SLC20A1: variants seen among roughly 807,000 people sequenced by gnomAD.
SLC20A1 encodes sodium-dependent phosphate transporter 1.
In SLC20A1, 28 loss-of-function variants were observed where a neutral mutation model predicts 62.7. That is an observed-to-expected ratio of 0.45 (90% confidence interval 0.33 to 0.61). SLC20A1 has a LOEUF of 0.61. Ranked by LOEUF, SLC20A1 falls within the 20% of genes least tolerant of loss-of-function variation. The pLI, the probability that SLC20A1 is intolerant of heterozygous loss-of-function variation, is 0.02. For missense variants in SLC20A1, 673 were observed against 838.6 expected (o/e 0.80, Z 2.44); for synonymous variants, 305 against 302.9 (o/e 1.01, Z -0.07).
intron 9 of SLC20A1, 88 bp downstream of exon 9, chr2:112,660,660 G>A (rs1686723793): frequency 1.8e-6 from 2 of 1,126,186 alleles, no homozygotes; most frequent in African/African-American, 3.2e-5. Flanking sequence ...AATCTCTAAA[G>A]TAACCAAGTT....
At chr2:112,651,881 A>C (rs765916461) in intron 4 of SLC20A1, 1 of 152,206 alleles carries the variant, frequency 6.6e-6, no homozygotes, top group Non-Finnish European at 1.5e-5. Context: ...CAGCGCCCAA[A>C]TAATCAGGTG....
At chr2:112,652,631 G>A in intron 4 of SLC20A1, 71 bp from the exon 5 acceptor site, 2 of 1,264,260 alleles carry the variant, frequency 1.6e-6, no homozygotes, top group Non-Finnish European at 1.2e-6. Context: ...AACCTACCCT[G>A]TTAAAAGATT....
At position 112,663,021 on chromosome 2, in the gene SLC20A1, T is replaced by A. The variant is rs1362004058; in HGVS notation, c.2036T>A (p.Met679Lys). Residue 679 changes from methionine to lysine, a missense_variant, in exon 11 of 11, where the codon ATG becomes AAG. Met to Lys is a moderately conservative substitution (Grantham distance 95). Transcript: ENST00000272542. ...ATCTTCAGATATGTCATCCTCAGAA[T>A]GTGAAGCTGTTTGAGATTAAAATTT... is the stretch of plus-strand genomic sequence containing the variant. ...MAIFRYVILR[M>K] The A allele has an allele frequency of 1.2e-6, 2 of 1,614,100 alleles. No homozygotes were observed. The highest frequency in any genetic ancestry group is 1.7e-6 in the Non-Finnish European group (2 of 1,179,934).
rs539726637 is a variant in SLC20A1, at chr2:112,663,469, C to G, written c.*444C>G. Reference sequence around the variant, plus strand: ...CAGGGATTTAACAACAAAAATATAACTACAACTTCCCTTGTAGTCTCTTAT... The same window carrying G: ...CAGGGATTTAACAACAAAAATATAAGTACAACTTCCCTTGTAGTCTCTTAT... On this transcript the variant is annotated 3_prime_UTR_variant, in exon 11 of 11. Transcript: ENST00000272542. 2 of 315,500 alleles carry G rather than the reference C, an allele frequency of 6.3e-6. No individual in the cohort carries two copies. Among genetic ancestry groups the G allele is most frequent in the South Asian group, 2.7e-5 (1 of 37,050 alleles). 19.5% of individuals were successfully genotyped at this position (315,500 alleles called of 1,614,324 possible). A position where few individuals can be genotyped will look rare whatever the true frequency, so the allele number is the denominator to read the frequency against.
intron 4 of SLC20A1, among the ~76,000 whole-genome samples, chr2:112,649,977 T>A (rs962438318): frequency 6.6e-6 from 1 of 152,228 alleles, no homozygotes; most frequent in African/African-American, 2.4e-5. Context: ...TGATGAGACC[T>A]TTCTTGTTTT....
chr2:112,663,228 G>T lies in SLC20A1; in HGVS notation c.*203G>T, dbSNP rs1686798814. 4.5e-6 allele frequency: 3 copies of T among 669,400 alleles called. No homozygotes were observed. Among genetic ancestry groups the T allele is most frequent in the East Asian group, 3.3e-5 (1 of 30,504 alleles). 41.5% of individuals were successfully genotyped at this position (669,400 alleles called of 1,614,324 possible). A position where few individuals can be genotyped will look rare whatever the true frequency, so the allele number is the denominator to read the frequency against. Reference sequence around the variant, plus strand: ...AAATTAGCTGTGTAAAATAGCCCGGGTTCCACTGGCTCCTGCTGAGGTCCC... The same window carrying T: ...AAATTAGCTGTGTAAAATAGCCCGGTTTCCACTGGCTCCTGCTGAGGTCCC... On this transcript the variant is annotated 3_prime_UTR_variant, in exon 11 of 11. Transcript: ENST00000272542.
chr2:112,648,545 C>T (rs1018303869), intron 4 of SLC20A1, among the ~76,000 whole-genome samples: 1 of 152,164 alleles, frequency 6.6e-6, no homozygotes, highest in African/African-American at 2.4e-5. Context: ...AGGGAGATAG[C>T]ATAAATCCCA....
intron 5 of SLC20A1, among the ~76,000 whole-genome samples, chr2:112,655,679 T>G (rs1453846108): frequency 2.0e-5 from 3 of 152,114 alleles, no homozygotes; most frequent in Non-Finnish European, 4.4e-5. Context: ...TTAAATAGGA[T>G]TGTATAGTGC....
intron 9 of SLC20A1, chr2:112,660,842 T>C (rs994322633): frequency 8.5e-5 from 34 of 399,018 alleles, no homozygotes; most frequent in Non-Finnish European, 1.4e-4. Context: ...TATACTTGCC[T>C]TTTATTTGTC....
At chr2:112,653,035 C>T in intron 5 of SLC20A1, 1 of 924,054 alleles carries the variant, frequency 1.1e-6, no homozygotes, top group Non-Finnish European at 1.7e-6. Flanking sequence ...TTAGTCTTCA[C>T]AGGATCCACT....
At position 112,647,355 on chromosome 2, in the gene SLC20A1, T is replaced by G; in HGVS notation, c.366T>G (p.Phe122Leu). 1 of 1,613,882 alleles carries G rather than the reference T, an allele frequency of 6.2e-7. No homozygotes were observed. Among genetic ancestry groups the G allele is most frequent in the Non-Finnish European group, 8.5e-7 (1 of 1,179,948 alleles). The change falls in exon 3 of 11, where the codon TTT becomes TTG. Residue 122 changes from phenylalanine to leucine, a missense_variant. Phe to Leu is a conservative substitution (Grantham distance 22, BLOSUM62 0). Transcript: ENST00000272542. ...CTGTGTGGCAACTCGTGGCTTCGTT[T>G]TTGAAGCTCCCTATTTCTGGAACCC... The part of the protein sequence containing the change: ...GSAVWQLVAS[F>L]LKLPISGTHC...
chr2:112,646,295 C>A (rs911725137), intron 1 of SLC20A1, among the ~76,000 whole-genome samples, 166 bp downstream of exon 1: 2 of 151,930 alleles, frequency 1.3e-5, no homozygotes, highest in Non-Finnish European at 2.9e-5. Flanking sequence ...TTTTGGCGGT[C>A]CCCGGGCGGC....
At chr2:112,655,182 T>G (rs1437248629) in intron 5 of SLC20A1, among the ~76,000 whole-genome samples, 1 of 152,048 alleles carries the variant, frequency 6.6e-6, no homozygotes, top group African/African-American at 2.4e-5. Context: ...TTGGTCAGTC[T>G]GGTCTTGAAC....
intron 4 of SLC20A1, among the ~76,000 whole-genome samples, chr2:112,650,647 C>T (rs909335603): frequency 2.7e-5 from 4 of 149,480 alleles, no homozygotes; most frequent in Admixed American, 6.7e-5. Flanking sequence ...TTTTCTTAAG[C>T]GAAGTCTCGC....
chr2:112,660,728 C>A, intron 9 of SLC20A1, 156 bp downstream of exon 9: 1 of 678,416 alleles, frequency 1.5e-6, no homozygotes, highest in Non-Finnish European at 2.3e-6. Flanking sequence ...ACTTGTCTGG[C>A]CCTTAAACAT....
chr2:112,659,808 A>G (rs1467009578), intron 8 of SLC20A1, 46 bp downstream of exon 8: 4 of 1,523,914 alleles, frequency 2.6e-6, no homozygotes, highest in Non-Finnish European at 3.6e-6. Flanking sequence ...TTTTTAAACC[A>G]TTTATCCTTG....
At chr2:112,647,997 A>G (rs911335108) in intron 4 of SLC20A1, among the ~76,000 whole-genome samples, 2 of 152,162 alleles carry the variant, frequency 1.3e-5, no homozygotes, top group Non-Finnish European at 2.9e-5. Context: ...CAAAAAAATA[A>G]GGAAATTTAT....
rs1332295538 is a variant in SLC20A1 at position 112,647,527 on chromosome 2, G to C, written c.475+63G>C. The C allele has an allele frequency of 1.9e-6, 3 of 1,589,142 alleles. No individual in the cohort carries two copies. The East Asian group carries it at 6.7e-5, about 36-fold the overall frequency. Reference sequence around the variant, plus strand: ...TCGTCATATGTTACCATGGCATTAGGTATGGGAGGATGTGTTCTAACGTCG... The same window carrying C: ...TCGTCATATGTTACCATGGCATTAGCTATGGGAGGATGTGTTCTAACGTCG... On this transcript the variant is annotated intron_variant, in intron 3 of 10. Transcript: ENST00000272542.
chr2:112,650,315 G>C (rs959596001), intron 4 of SLC20A1, among the ~76,000 whole-genome samples: 1 of 150,838 alleles, frequency 6.6e-6, no homozygotes, highest in Non-Finnish European at 1.5e-5. Context: ...TGGGAGTCTT[G>C]GGTTGGGTTT....
Sources: allele counts gnomAD v4.1 joint callset (sites outside exome capture counted in the v4.1 genomes callset), GRCh38; gene constraint gnomAD v4.1.1; transcripts MANE v1.5; gene names NCBI Gene and HGNC (gene_info 2026-07-23, HGNC 2026-07-21).